The following GSG1L variants were observed in gnomAD, a reference collection of about 807,000 sequenced individuals.
The protein encoded by GSG1L is germ cell-specific gene 1-like protein.
A neutral mutation model predicts 42.1 loss-of-function variants in GSG1L; 24 were observed. The ratio of observed to expected loss-of-function variants is 0.57; its 90% CI spans 0.41 to 0.80. The LOEUF (loss-of-function observed/expected upper bound fraction) is 0.80, where lower values mean the gene tolerates loss of function less well. GSG1L is among the 30% of genes least tolerant of loss of function. The pLI, the probability that GSG1L is intolerant of heterozygous loss-of-function variation, is 0.00. For synonymous variants in GSG1L, 215 were observed against 203.5 expected (o/e 1.06, Z -0.48); for missense variants, 445 against 472.2 (o/e 0.94, Z 0.53).
At chr16:27,825,508 T>C (rs913653144) in intron 5 of GSG1L, among the ~76,000 whole-genome samples, 1 of 152,160 alleles carries the variant, frequency 6.6e-6, no homozygotes, top group East Asian at 1.9e-4. Context: ...CCCCCATCTT[T>C]ACTAAAAATG....
intron 1 of GSG1L, among the ~76,000 whole-genome samples, chr16:27,975,359 G>A (rs2085239332): frequency 6.6e-6 from 1 of 152,042 alleles, no homozygotes; most frequent in Non-Finnish European, 1.5e-5. Flanking sequence ...GGGGTGGATG[G>A]AGAACAGCTG....
chr16:27,865,214 A>G (rs1395924607), intron 3 of GSG1L, among the ~76,000 whole-genome samples: 1 of 152,062 alleles, frequency 6.6e-6, no homozygotes, highest in East Asian at 1.9e-4. Context: ...CCTCAATCCC[A>G]CTGTGCTCTA....
chr16:28,033,372 G>T (rs1047850531), intron 1 of GSG1L, among the ~76,000 whole-genome samples: 1 of 152,174 alleles, frequency 6.6e-6, no homozygotes, highest in African/African-American at 2.4e-5. Flanking sequence ...ATTAACAGAT[G>T]AATTCTTTAA....
chr16:27,882,003 T>G (rs2083963272), intron 3 of GSG1L, among the ~76,000 whole-genome samples: 1 of 152,124 alleles, frequency 6.6e-6, no homozygotes, highest in Non-Finnish European at 1.5e-5. Context: ...CCCAGAGAGA[T>G]CATCCCTGAT....
intron 3 of GSG1L, among the ~76,000 whole-genome samples, chr16:27,845,270 A>G (rs1354625391): frequency 6.6e-6 from 1 of 152,202 alleles, no homozygotes; most frequent in Non-Finnish European, 1.5e-5. Flanking sequence ...TTTTTAAGAC[A>G]GGGTCTTGCT....
chr16:28,017,206 CTGTT>C (rs2085791220), intron 1 of GSG1L, among the ~76,000 whole-genome samples: 3 of 152,162 alleles, frequency 2.0e-5, no homozygotes, highest in Non-Finnish European at 2.9e-5. Flanking sequence ...TCTGGGGTGA[CTGTT>C]TGAAGAAGTA....
intron 6 of GSG1L, among the ~76,000 whole-genome samples, chr16:27,798,154 C>A (rs1487294267): frequency 6.6e-6 from 1 of 152,290 alleles, no homozygotes; most frequent in Non-Finnish European, 1.5e-5. Flanking sequence ...AACAAACCTG[C>A]ACCTGTACCC....
At chr16:27,850,924 A>T (rs1465086968) in intron 3 of GSG1L, among the ~76,000 whole-genome samples, 1 of 151,858 alleles carries the variant, frequency 6.6e-6, no homozygotes. Flanking sequence ...TACAGGCATG[A>T]GCCACCGGGA....
chr16:28,054,010 C>G (rs988089091), intron 1 of GSG1L, among the ~76,000 whole-genome samples: 2 of 152,122 alleles, frequency 1.3e-5, no homozygotes, highest in Non-Finnish European at 2.9e-5. Context: ...CTCGGTCCCC[C>G]TCGCAGCCTC....
At chr16:28,042,152 T>C (rs564186076) in intron 1 of GSG1L, among the ~76,000 whole-genome samples, 6 of 152,222 alleles carry the variant, frequency 3.9e-5, no homozygotes, top group African/African-American at 1.4e-4. Flanking sequence ...AGTCATAAAA[T>C]GGGCTGGGCG....
rs1567493815 is a variant in GSG1L at position 27,865,560 on chromosome 16, T to TACAC, written c.550+18925_550+18926insGTGT. On this transcript the variant is annotated intron_variant, in intron 3 of 6. Coordinates refer to ENST00000447459, the MANE Select transcript of GSG1L (RefSeq NM_001109763.2). ...ATATATATATATATATATATATATA[T>TACAC]ATATATATATATACACACACACATA... Among the ~76,000 whole-genome samples the TACAC allele has an allele frequency of 3.8e-3, 103 of 27,282 alleles. 8 individuals carry two copies. The highest frequency in any genetic ancestry group is 0.02 in the African/African-American group (93 of 4,568). The allele number at this position is 27,282 out of a possible 152,430, so 17.9% of individuals were successfully genotyped here.
intron 2 of GSG1L, among the ~76,000 whole-genome samples, chr16:27,905,759 G>T (rs1048783767): frequency 6.6e-6 from 1 of 152,064 alleles, no homozygotes; most frequent in Non-Finnish European, 1.5e-5. Flanking sequence ...GCGGGGCGGG[G>T]GATGCATGAT....
chr16:27,825,263 C>T (rs1217897157), intron 5 of GSG1L, among the ~76,000 whole-genome samples: 1 of 152,172 alleles, frequency 6.6e-6, no homozygotes, highest in Non-Finnish European at 1.5e-5. Context: ...ATTCTAGGCT[C>T]CTGGTCCACA....
chr16:27,919,370 C>T (rs2084498654), intron 2 of GSG1L, among the ~76,000 whole-genome samples: 1 of 152,204 alleles, frequency 6.6e-6, no homozygotes, highest in Non-Finnish European at 1.5e-5. Flanking sequence ...GACTCCATCT[C>T]CTACCATTCT....
chr16:27,814,621 G>T lies in GSG1L; in HGVS notation c.831-7067C>A, dbSNP rs947129953. On this transcript the variant is annotated intron_variant, in intron 5 of 6. Coordinates refer to ENST00000447459, the MANE Select transcript of GSG1L (RefSeq NM_001109763.2). ...AATCACCTGAACCCAGGAGGCGGAG[G>T]TTGCAGTGAGCCGAGATTGCACCAT... 3.3e-5 allele frequency among the ~76,000 whole-genome samples: 5 copies of T among 151,454 alleles called. No individual in the cohort carries two copies. In the East Asian group the frequency reaches 9.8e-4, roughly 30 times the overall value.
intron 2 of GSG1L, among the ~76,000 whole-genome samples, chr16:27,900,326 T>C (rs1163488094): frequency 6.6e-6 from 1 of 152,226 alleles, no homozygotes. Flanking sequence ...CCTTGGGTGC[T>C]ATTACCATCT....
chr16:27,791,410 T>A lies in GSG1L; in HGVS notation c.956A>T (p.Glu319Val). 6.5e-7 allele frequency: 1 copy of A among 1,529,664 alleles called. No individual in the cohort carries two copies. Among genetic ancestry groups the A allele is most frequent in the South Asian group, 1.3e-5 (1 of 79,560 alleles). The allele number at this position is 1,529,664 out of a possible 1,614,324, so 94.8% of individuals were successfully genotyped here. A position where few individuals can be genotyped will look rare whatever the true frequency, so the allele number is the denominator to read the frequency against. The change falls in exon 7 of 7, where the codon GAG (glutamate) becomes GTG (valine). Residue 319 changes from glutamate to valine, a missense_variant. By Grantham distance (121) the Glu-to-Val change is moderately radical (BLOSUM62 -2). Coordinates refer to ENST00000447459, the MANE Select transcript of GSG1L (RefSeq NM_001109763.2). ...CAAGACCCAGCACTGTCGGTTCAGC[T>A]CTGGTGCTTCCTGTGCGGAGCTCCG... ...WPRSSAQEAP[E>V]LNRQCWVLGH...
At chr16:27,990,641 A>G (rs1188419611) in intron 1 of GSG1L, among the ~76,000 whole-genome samples, 1 of 152,182 alleles carries the variant, frequency 6.6e-6, no homozygotes. Flanking sequence ...ATATTTTGGG[A>G]CCTCAAGAAG....
At chr16:27,940,825 C>T (rs199723691) in intron 2 of GSG1L, among the ~76,000 whole-genome samples, 3 of 148,864 alleles carry the variant, frequency 2.0e-5, no homozygotes, top group African/African-American at 7.5e-5. Context: ...GCACATTGTG[C>T]GCATGTACCC....
Sources: allele counts gnomAD v4.1 joint callset (sites outside exome capture counted in the v4.1 genomes callset), GRCh38; gene constraint gnomAD v4.1.1; transcripts MANE v1.5; gene names NCBI Gene and HGNC (gene_info 2026-07-23, HGNC 2026-07-21).